The following LRTM1 variants were observed in gnomAD, a reference collection of about 807,000 sequenced individuals.
The protein encoded by LRTM1 is leucine-rich repeat and transmembrane domain-containing protein 1.
Under a neutral mutation model 32.4 loss-of-function variants are expected in LRTM1, and 38 were observed. That is an observed-to-expected ratio of 1.17 (90% confidence interval 0.91 to 1.54). LRTM1 has a LOEUF of 1.54. Ranked by LOEUF, LRTM1 falls within the 40% of genes most tolerant of loss-of-function variation. The pLI is 0.00. For missense variants in LRTM1, 466 were observed against 415.4 expected (o/e 1.12, Z -1.06); for synonymous variants, 186 against 169.9 (o/e 1.09, Z -0.74).
intron 1 of LRTM1, among the ~76,000 whole-genome samples, chr3:54,927,444 G>A (rs1575382252): frequency 6.6e-6 from 1 of 152,104 alleles, no homozygotes. Flanking sequence ...AGTAATGAAC[G>A]GACACCCCTC....
intron 2 of LRTM1, among the ~76,000 whole-genome samples, chr3:54,922,160 G>C (rs913674806): frequency 6.6e-6 from 1 of 152,092 alleles, no homozygotes. Flanking sequence ...ACTGGAATGG[G>C]CCGTAGGAAC....
chr3:54,933,840 C>T (rs903444095), intron 1 of LRTM1, among the ~76,000 whole-genome samples: 1 of 151,364 alleles, frequency 6.6e-6, no homozygotes, highest in African/African-American at 2.4e-5. Flanking sequence ...CTGGTCTCAG[C>T]TTACTGCAAC....
At position 54,937,294 on chromosome 3, in the gene LRTM1, A is replaced by G. The variant is rs567784103; in HGVS notation, c.-221-12079T>C. Among the ~76,000 whole-genome samples the G allele has an allele frequency of 4.6e-5, 7 of 152,332 alleles. No homozygotes were observed. In the East Asian group the frequency reaches 1.4e-3, roughly 29 times the overall value. ...AAGACACAGCTCAATGAATGGACCT[A>G]CAGTCCAAATGGCCACTACAGTGTA... is the stretch of plus-strand genomic sequence containing the variant. On this transcript the variant is annotated intron_variant, in intron 1 of 2. Transcript: ENST00000493075.
At chr3:54,940,559 G>T (rs1282020159) in intron 1 of LRTM1, among the ~76,000 whole-genome samples, 1 of 151,996 alleles carries the variant, frequency 6.6e-6, no homozygotes, top group Non-Finnish European at 1.5e-5. Flanking sequence ...CCCTCCCCTT[G>T]TCTTTATATA....
chr3:54,933,051 CCCTTCCTTCCTT>C (rs60554563), upstream of LRTM1, among the ~76,000 whole-genome samples: 12,852 of 139,364 alleles, frequency 0.092, 928 homozygotes, highest in East Asian at 0.17. Context: ...ATCCATCCCT[CCCTTCCTTCCTT>C]CCTTCCTTCC....
chr3:54,938,634 T>G (rs538598223), intron 1 of LRTM1, among the ~76,000 whole-genome samples: 7 of 146,554 alleles, frequency 4.8e-5, no homozygotes, highest in African/African-American at 1.8e-4. Flanking sequence ...CACCCCCAAA[T>G]TATACATCTT....
intron 1 of LRTM1, among the ~76,000 whole-genome samples, chr3:54,957,174 T>G (rs914843450): frequency 1.2e-4 from 18 of 152,142 alleles, no homozygotes; most frequent in African/African-American, 4.1e-4. Flanking sequence ...TTCTTTTTTT[T>G]TTTTTTAGAG....
chr3:54,936,424 C>T (rs1701330920), intron 1 of LRTM1, among the ~76,000 whole-genome samples: 1 of 152,118 alleles, frequency 6.6e-6, no homozygotes, highest in Non-Finnish European at 1.5e-5. Flanking sequence ...CTCTGCTTGT[C>T]ATCAAAGTCG....
At position 54,918,489 on chromosome 3, in the gene LRTM1, T is replaced by C. The variant is rs1375401929; in HGVS notation, c.1008A>G (p.Glu336=). The part of the protein sequence containing the change: ...AQTNDPGKVE[E]KERFDSSPA ...CTGGTGAGCTGTCAAATCGCTCTTT[T>C]TCTTCCACCTTCCCAGGATCATTGG... Residue 336 remains glutamate, a synonymous_variant, in exon 3 of 3, where the codon GAA becomes GAG. Transcript: ENST00000273286. The C allele has an allele frequency of 1.2e-6, 2 of 1,613,814 alleles. No homozygotes were observed. Among genetic ancestry groups the C allele is most frequent in the Non-Finnish European group, 1.7e-6 (2 of 1,179,914 alleles).
chr3:54,964,581 A>T (rs1702100538), intron 1 of LRTM1, among the ~76,000 whole-genome samples: 1 of 152,158 alleles, frequency 6.6e-6, no homozygotes, highest in Non-Finnish European at 1.5e-5. Context: ...GGTTCCATTT[A>T]GGTTATGTGG....
At chr3:54,953,488 G>A (rs934600241) in intron 1 of LRTM1, among the ~76,000 whole-genome samples, 10 of 152,158 alleles carry the variant, frequency 6.6e-5, no homozygotes, top group East Asian at 1.9e-4. Context: ...TGAAGCCTTC[G>A]CGCTTGGTGG....
intron 1 of LRTM1, among the ~76,000 whole-genome samples, chr3:54,951,043 C>G (rs1238933029): frequency 1.3e-5 from 2 of 152,148 alleles, no homozygotes; most frequent in Non-Finnish European, 2.9e-5. Flanking sequence ...AAATGAAATT[C>G]ATAGAAAATG....
rs1700712223 is a variant in LRTM1, at chr3:54,918,267, AT to A, written c.*191del. ...GTATCATCTTTATTTTACCTATAGT[AT>A]TTTAAAAATCGCAACATAAATTCCT... is the stretch of plus-strand genomic sequence containing the variant. On this transcript the variant is annotated 3_prime_UTR_variant, in exon 3 of 3. Transcript: ENST00000273286. 4 of 594,658 alleles carry A rather than the reference AT, an allele frequency of 6.7e-6. No homozygotes were observed. The highest frequency in any genetic ancestry group is 1.1e-5 in the Non-Finnish European group (4 of 348,048). 36.8% of individuals were successfully genotyped at this position (594,658 alleles called of 1,614,324 possible). A position where few individuals can be genotyped will look rare whatever the true frequency, so the allele number is the denominator to read the frequency against.
At chr3:54,934,383 G>T (rs1259981377) in intron 1 of LRTM1, among the ~76,000 whole-genome samples, 1 of 146,446 alleles carries the variant, frequency 6.8e-6, no homozygotes, top group African/African-American at 2.5e-5. Context: ...GTAAGAAAGT[G>T]GGGAGGTTGT....
Position 54,918,502 on chromosome 3 carries a change from C to T in LRTM1, c.995G>A (p.Gly332Glu). ...AAATCGCTCTTTTTCTTCCACCTTC[C>T]CAGGATCATTGGTTTGAGCCAAGGG... ...GGPLAQTNDP[G>E]KVEEKERFDS... The change falls in exon 3 of 3, where the codon GGG becomes GAG. Residue 332 changes from glycine to glutamate, a missense_variant. Coordinates refer to ENST00000273286, the MANE Select transcript of LRTM1 (RefSeq NM_020678.4). The T allele has an allele frequency of 1.9e-6, 3 of 1,613,996 alleles. No individual in the cohort carries two copies. Among genetic ancestry groups the T allele is most frequent in the Non-Finnish European group, 1.7e-6 (2 of 1,179,992 alleles).
chr3:54,920,283 T>A (rs1459469241), intron 2 of LRTM1, among the ~76,000 whole-genome samples: 1 of 152,186 alleles, frequency 6.6e-6, no homozygotes, highest in Non-Finnish European at 1.5e-5. Context: ...TAAGTGGCCC[T>A]GTAAGTAGAT....
intron 1 of LRTM1, among the ~76,000 whole-genome samples, chr3:54,958,321 A>C (rs1263854693): frequency 6.6e-6 from 1 of 152,216 alleles, no homozygotes; most frequent in Non-Finnish European, 1.5e-5. Flanking sequence ...TGAGCCCAAG[A>C]GTTGGAGGCT....
intron 1 of LRTM1, among the ~76,000 whole-genome samples, chr3:54,952,879 G>A (rs1351051488): frequency 1.3e-5 from 2 of 152,152 alleles, no homozygotes; most frequent in East Asian, 1.9e-4. Context: ...TGTTCTGGGT[G>A]GTTGAGATGA....
chr3:54,961,160 G>A (rs1702022101), intron 1 of LRTM1, among the ~76,000 whole-genome samples: 2 of 152,324 alleles, frequency 1.3e-5, no homozygotes, highest in East Asian at 1.9e-4. Context: ...AAACATGCCA[G>A]GCCTTGTTAC....
Sources: gnomAD v4.1 joint callset for allele counts (sites outside exome capture counted in the v4.1 genomes callset) on GRCh38, gnomAD v4.1.1 for gene constraint, MANE v1.5 for transcripts, NCBI Gene and HGNC (gene_info 2026-07-23, HGNC 2026-07-21) for gene names.